KIAA1217: variants seen among roughly 807,000 people sequenced by gnomAD.
KIAA1217 encodes the protein KIAA1217.
Under a neutral mutation model 163.9 loss-of-function variants are expected in KIAA1217, and 88 were observed. The ratio of observed to expected loss-of-function variants is 0.54; its 90% CI spans 0.45 to 0.64. KIAA1217 has a LOEUF of 0.64. Among genes scored for constraint, KIAA1217 ranks in the 30% least tolerant of loss-of-function variants. KIAA1217 has a pLI of 0.00. For synonymous variants in KIAA1217, 903 were observed against 923.1 expected, an observed-to-expected ratio of 0.98 and a Z score of 0.39; for missense variants, 2,372 against 2,475.0, an observed-to-expected ratio of 0.96 and a Z score of 0.88.
intron 3 of KIAA1217, among the ~76,000 whole-genome samples, chr10:24,394,755 C>T (rs983276050): frequency 7.9e-5 from 12 of 152,160 alleles, no homozygotes; most frequent in Non-Finnish European, 1.3e-4. Context: ...ACCCCACAAA[C>T]GCCAGTTTCC....
chr10:24,099,453 T>C (rs138416369), intron 2 of KIAA1217, among the ~76,000 whole-genome samples: 4,653 of 150,162 alleles, frequency 0.031, 79 homozygotes, highest in Middle Eastern at 0.082. Context: ...TCTGTCCTTG[T>C]GATAGTTTGC....
intron 1 of KIAA1217, among the ~76,000 whole-genome samples, chr10:23,888,699 T>G (rs1357442936): frequency 6.6e-6 from 1 of 151,928 alleles, no homozygotes; most frequent in Non-Finnish European, 1.5e-5. Flanking sequence ...TAAATTAGTC[T>G]GTTCTTAGAA....
intron 2 of KIAA1217, among the ~76,000 whole-genome samples, chr10:24,019,497 T>C (rs10128378): frequency 0.11 from 16,767 of 151,852 alleles, 1,052 homozygotes; most frequent in African/African-American, 0.17. Flanking sequence ...AAAGAAAATA[T>C]AGTGGGGAAG....
intron 1 of KIAA1217, among the ~76,000 whole-genome samples, chr10:23,697,066 G>A (rs1836090858): frequency 1.3e-5 from 2 of 152,128 alleles, no homozygotes; most frequent in South Asian, 4.1e-4. Context: ...TTATGCAATG[G>A]AAATTACCAG....
intron 1 of KIAA1217, among the ~76,000 whole-genome samples, chr10:23,807,549 A>T (rs1439681873): frequency 6.6e-6 from 1 of 152,198 alleles, no homozygotes; most frequent in African/African-American, 2.4e-5. Context: ...AAACAGTCAG[A>T]TGGAGAGATC....
intron 13 of KIAA1217, among the ~76,000 whole-genome samples, chr10:24,525,751 G>A (rs2134762885): frequency 6.6e-6 from 1 of 152,298 alleles, no homozygotes; most frequent in Middle Eastern, 3.4e-3. Context: ...CACTTTGGGA[G>A]GCCGAGGCGG....
At chr10:24,151,143 CAAGT>C (rs1398017393) in intron 2 of KIAA1217, among the ~76,000 whole-genome samples, 1 of 151,974 alleles carries the variant, frequency 6.6e-6, no homozygotes, top group Non-Finnish European at 1.5e-5. Context: ...CCAATTGCTG[CAAGT>C]AAGTATAGGA....
chr10:24,542,842 G>C (rs2075287204), intron 18 of KIAA1217, 41 bp from the exon 19 acceptor site: 2 of 1,610,582 alleles, frequency 1.2e-6, no homozygotes, highest in Non-Finnish European at 1.7e-6. Flanking sequence ...ATCCATTGCT[G>C]ATTAACGTGT....
intron 1 of KIAA1217, among the ~76,000 whole-genome samples, chr10:23,756,396 A>G (rs928019044): frequency 6.6e-6 from 1 of 152,202 alleles, no homozygotes; most frequent in Non-Finnish European, 1.5e-5. Context: ...CCCACATGAA[A>G]CAGTCTTTTC....
intron 1 of KIAA1217, among the ~76,000 whole-genome samples, chr10:23,755,874 A>C (rs1833895253): frequency 3.3e-5 from 5 of 152,128 alleles, no homozygotes; most frequent in African/African-American, 1.2e-4. Flanking sequence ...CTAATCTTCC[A>C]CATATATTTA....
intron 2 of KIAA1217, among the ~76,000 whole-genome samples, chr10:24,120,363 G>A (rs561077237): frequency 1.3e-5 from 2 of 152,306 alleles, no homozygotes; most frequent in Admixed American, 6.5e-5. Flanking sequence ...AGGGGAATCT[G>A]AGAACAGTGA....
chr10:24,444,160 A>G (rs1399911857), intron 5 of KIAA1217, among the ~76,000 whole-genome samples: 1 of 151,944 alleles, frequency 6.6e-6, no homozygotes, highest in Non-Finnish European at 1.5e-5. Flanking sequence ...ACAGGTGCAC[A>G]CCACCACTCT....
chr10:24,250,706 C>T (rs562632803), intron 2 of KIAA1217, among the ~76,000 whole-genome samples: 1 of 98,800 alleles, frequency 1.0e-5, no homozygotes, highest in Non-Finnish European at 2.0e-5. Flanking sequence ...GCCCCTCGGC[C>T]TCACAAAGTG....
chr10:23,819,606 T>C (rs1837524524), intron 1 of KIAA1217, among the ~76,000 whole-genome samples: 3 of 152,178 alleles, frequency 2.0e-5, no homozygotes, highest in African/African-American at 7.2e-5. Flanking sequence ...CTTAAAATAG[T>C]ATGCAAACAC....
At chr10:24,315,385 C>T (rs2043221056) in intron 2 of KIAA1217, among the ~76,000 whole-genome samples, 2 of 152,212 alleles carry the variant, frequency 1.3e-5, no homozygotes, top group Non-Finnish European at 1.5e-5. Flanking sequence ...TGCCTGTTTT[C>T]TGGAGAGTGA....
intron 9 of KIAA1217, among the ~76,000 whole-genome samples, chr10:24,506,574 C>G (rs1213295642): frequency 2.0e-5 from 3 of 152,188 alleles, no homozygotes; most frequent in African/African-American, 7.2e-5. Flanking sequence ...TGAGGAATAA[C>G]TGCAACTCTA....
At chr10:24,334,207 T>C (rs1269138033) in intron 2 of KIAA1217, among the ~76,000 whole-genome samples, 1 of 152,090 alleles carries the variant, frequency 6.6e-6, no homozygotes, top group African/African-American at 2.4e-5. Context: ...TGCATCAAGA[T>C]TAGTATTAGT....
chr10:23,853,121 G>C (rs1352023713), intron 1 of KIAA1217, among the ~76,000 whole-genome samples: 6 of 152,114 alleles, frequency 3.9e-5, no homozygotes, highest in African/African-American at 7.2e-5. Flanking sequence ...TCCACTTTTT[G>C]CTCATTCAGT....
At chr10:24,322,415 C>T (rs1590952571) in intron 2 of KIAA1217, among the ~76,000 whole-genome samples, 1 of 152,198 alleles carries the variant, frequency 6.6e-6, no homozygotes, top group East Asian at 1.9e-4. Flanking sequence ...ACCAATGTGT[C>T]AGGATGGGAG....
Sources: gnomAD v4.1 joint callset for allele counts (sites outside exome capture counted in the v4.1 genomes callset) on GRCh38, gnomAD v4.1.1 for gene constraint, MANE v1.5 for transcripts, NCBI Gene and HGNC (gene_info 2026-07-23, HGNC 2026-07-21) for gene names.